Variants in CIMAP1D observed in about 807,000 individuals in gnomAD.
CIMAP1D encodes the protein protein CIMAP1D.
the CIMAP1D span, chr19:490,019 G>A: frequency 2.5e-6 from 1 of 398,600 alleles, no homozygotes; most frequent in Non-Finnish European, 4.4e-6. Context: ...ACGATAGAAA[G>A]AAGAAAAGAA....
At chr19:489,677 C>T in the CIMAP1D span, 5 of 216,204 alleles carry the variant, frequency 2.3e-5, no homozygotes, top group Non-Finnish European at 4.5e-5. Context: ...GTCGTGACAA[C>T]CACAGATGGC....
At chr19:474,890 C>A in the CIMAP1D span, 4 of 664,106 alleles carry the variant, frequency 6.0e-6, no homozygotes, top group East Asian at 6.8e-5. Flanking sequence ...GCCGCACAGA[C>A]GGCCTCTTGT....
the CIMAP1D span, chr19:464,295 G>A: frequency 3.4e-5 from 53 of 1,541,898 alleles, no homozygotes; most frequent in East Asian, 2.0e-4. Flanking sequence ...GAAAGCCGGC[G>A]GTGTCCGATG....
At chr19:479,417 G>C in the CIMAP1D span, among the ~76,000 whole-genome samples, 7 of 147,762 alleles carry the variant, frequency 4.7e-5, 1 homozygote, top group East Asian at 4.0e-4. Flanking sequence ...TTTTTGGGGG[G>C]GGGGGGGATG....
the CIMAP1D span, among the ~76,000 whole-genome samples, chr19:485,321 G>C: frequency 4.6e-5 from 7 of 152,348 alleles, no homozygotes; most frequent in African/African-American, 1.7e-4. Context: ...CAGGAGCCGG[G>C]CGTGCCCGAG....
chr19:483,208 G>A, the CIMAP1D span, among the ~76,000 whole-genome samples: 2 of 151,432 alleles, frequency 1.3e-5, no homozygotes, highest in African/African-American at 2.4e-5. Context: ...GCAGCTGACT[G>A]CTGCTCTCCA....
the CIMAP1D span, among the ~76,000 whole-genome samples, chr19:471,300 A>C: frequency 5.8e-4 from 86 of 148,896 alleles, no homozygotes; most frequent in Non-Finnish European, 9.6e-4. Context: ...AGGCGCCTGC[A>C]ACCACGCCCG....
At chr19:476,679 T>A in the CIMAP1D span, among the ~76,000 whole-genome samples, 7 of 152,138 alleles carry the variant, frequency 4.6e-5, no homozygotes, top group Non-Finnish European at 2.9e-5. Context: ...GAGCATATTA[T>A]CTGGTGAAAA....
chr19:490,016 A>G, the CIMAP1D span: 9 of 398,454 alleles, frequency 2.3e-5, no homozygotes, highest in Non-Finnish European at 4.0e-5. Flanking sequence ...GCCACGATAG[A>G]AAGAAGAAAA....
At chr19:479,415 G>GT in the CIMAP1D span, among the ~76,000 whole-genome samples, 588 of 141,614 alleles carry the variant, frequency 4.2e-3, 7 homozygotes, top group Non-Finnish European at 6.3e-3. Flanking sequence ...TTTTTTTGGG[G>GT]GGGGGGGGGA....
At chr19:489,347 C>G in the CIMAP1D span, 1 of 152,582 alleles carries the variant, frequency 6.6e-6, no homozygotes, top group African/African-American at 2.4e-5. Context: ...TCGCAGCCCG[C>G]GGCCCCGACC....
the CIMAP1D span, chr19:474,507 G>T: frequency 9.0e-7 from 1 of 1,112,088 alleles, no homozygotes; most frequent in South Asian, 2.6e-5. Context: ...GAAGGGCAAG[G>T]ACTTGCCTGA....
the CIMAP1D span, among the ~76,000 whole-genome samples, chr19:482,499 C>T: frequency 6.6e-6 from 1 of 152,194 alleles, no homozygotes; most frequent in Non-Finnish European, 1.5e-5. Flanking sequence ...CGCTGTTCCT[C>T]CCAAGAGAAG....
At chr19:474,763 G>A in the CIMAP1D span, 4 of 1,493,000 alleles carry the variant, frequency 2.7e-6, no homozygotes, top group Non-Finnish European at 3.6e-6. Context: ...GCAGGCGATG[G>A]CCCCCACAGC....
chr19:484,106 G>C, the CIMAP1D span, among the ~76,000 whole-genome samples: 1 of 143,744 alleles, frequency 7.0e-6, no homozygotes, highest in East Asian at 2.0e-4. Flanking sequence ...TGTCTCTCTT[G>C]TTTTATTTAT....
the CIMAP1D span, among the ~76,000 whole-genome samples, chr19:482,448 A>T: frequency 1.4e-3 from 207 of 152,272 alleles, 3 homozygotes; most frequent in East Asian, 5.8e-4. Context: ...GGCTGCCAGG[A>T]CCAGGAGTGC....
the CIMAP1D span, among the ~76,000 whole-genome samples, chr19:484,331 G>A: frequency 6.6e-6 from 1 of 151,886 alleles, no homozygotes. Context: ...AGTAGAGACG[G>A]GGTTTCTCCA....
chr19:472,287 C>T, the CIMAP1D span: 94 of 567,174 alleles, frequency 1.7e-4, no homozygotes, highest in African/African-American at 2.1e-4. Flanking sequence ...TGCTTCCTGC[C>T]GCACTAACTG....
chr19:491,433 A>T, the CIMAP1D span, among the ~76,000 whole-genome samples: 19,792 of 152,096 alleles, frequency 0.13, 2,917 homozygotes, highest in African/African-American at 0.35. Context: ...CCTTCTAGCC[A>T]CCTAGACCCT....
Sources: allele counts gnomAD v4.1 joint callset (sites outside exome capture counted in the v4.1 genomes callset), GRCh38; gene constraint gnomAD v4.1.1; transcripts MANE v1.5; gene names NCBI Gene and HGNC (gene_info 2026-07-23, HGNC 2026-07-21).